DIP2C: variants seen among roughly 807,000 people sequenced by gnomAD.
DIP2C encodes the protein disco-interacting protein 2 homolog C.
Under a neutral mutation model 192.4 loss-of-function variants are expected in DIP2C, and 33 were observed. That is an observed-to-expected ratio of 0.17 (90% CI 0.13 to 0.23). The LOEUF is 0.23. Ranked by LOEUF, DIP2C falls within the 10% of genes least tolerant of loss-of-function variation. The probability of loss-of-function intolerance (pLI) is 1.00; values close to 1 mark genes in which losing one functional copy is unlikely to be tolerated. For missense variants in DIP2C, 1,537 were observed against 2,110.1 expected (o/e 0.73, Z 5.32); for synonymous variants, 979 against 864.1 (o/e 1.13, Z -2.33).
chr10:655,698 A>G (rs1856248215), intron 1 of DIP2C, among the ~76,000 whole-genome samples: 1 of 152,138 alleles, frequency 6.6e-6, no homozygotes, highest in South Asian at 2.1e-4. Context: ...TCAACTGTAT[A>G]CTCTACAATA....
intron 1 of DIP2C, among the ~76,000 whole-genome samples, chr10:523,702 C>A (rs1047757575): frequency 1.6e-4 from 25 of 151,834 alleles, no homozygotes; most frequent in Non-Finnish European, 7.4e-5. Context: ...GTCACCCACA[C>A]ACTCGTTTCT....
chr10:665,242 C>T (rs1857013601), intron 1 of DIP2C: 1 of 152,130 alleles, frequency 6.6e-6, no homozygotes, highest in Non-Finnish European at 1.5e-5. Flanking sequence ...ATACCTTAAC[C>T]GTGCTTTATA....
At chr10:442,750 TTC>T (rs1037577585) in intron 3 of DIP2C, among the ~76,000 whole-genome samples, 1 of 152,346 alleles carries the variant, frequency 6.6e-6, no homozygotes, top group East Asian at 1.9e-4. Flanking sequence ...CACAAGAATA[TTC>T]TCTCACATAC....
chr10:349,211 G>A, intron 25 of DIP2C, 120 bp downstream of exon 25: 1 of 1,395,386 alleles, frequency 7.2e-7, no homozygotes. Flanking sequence ...GCTGGATACA[G>A]TGCAGACTCC....
chr10:382,992 A>G (rs1040710964), intron 16 of DIP2C, among the ~76,000 whole-genome samples: 2 of 152,258 alleles, frequency 1.3e-5, no homozygotes, highest in Admixed American at 6.5e-5. Context: ...CTTTTCTGAC[A>G]GATGAACTTA....
At chr10:530,142 G>A (rs1049794555) in intron 1 of DIP2C, among the ~76,000 whole-genome samples, 3 of 152,216 alleles carry the variant, frequency 2.0e-5, no homozygotes, top group African/African-American at 4.8e-5. Flanking sequence ...ACCGTGAGCC[G>A]GGCTTTATTC....
chr10:572,293 T>C (rs1268789967), intron 1 of DIP2C, among the ~76,000 whole-genome samples: 1 of 152,208 alleles, frequency 6.6e-6, no homozygotes, highest in African/African-American at 2.4e-5. Context: ...CCACATCTCT[T>C]CTCTCAGCCT....
intron 32 of DIP2C, among the ~76,000 whole-genome samples, chr10:289,754 G>A (rs769260825): frequency 3.3e-5 from 5 of 152,180 alleles, no homozygotes; most frequent in African/African-American, 4.8e-5. Flanking sequence ...TGCGTGGCAC[G>A]AGGGAGGCCA....
chr10:378,686 C>T (rs545289091), intron 17 of DIP2C, among the ~76,000 whole-genome samples: 1 of 151,826 alleles, frequency 6.6e-6, no homozygotes, highest in Non-Finnish European at 1.5e-5. Context: ...CATGAACAGA[C>T]ATGCATACAC....
At position 362,584 on chromosome 10, in the gene DIP2C, C is replaced by G. The variant is rs1959670027; in HGVS notation, c.2700G>C (p.Gln900His). ...GGTGCAGAGAGCCCTCCAGAAAAAG[C>G]TGTTTTGTTTCTGATAAATGGATCC... is the stretch of plus-strand genomic sequence containing the variant. ...LGGIHLSETK[Q>H]LFLEGSLHPC... The change falls in exon 22 of 37, where the codon CAG (glutamine) becomes CAC (histidine). Residue 900 changes from glutamine (Q) to histidine (H), a missense_variant. Physicochemically the swap from Gln to His is conservative, Grantham distance 24. This residue lies in a region of DIP2C where 677 missense variants were observed against 989.9 expected (regional missense o/e 0.68). Coordinates refer to ENST00000280886, the MANE Select transcript of DIP2C (RefSeq NM_014974.3). 4 of 1,614,142 alleles carry G rather than the reference C, an allele frequency of 2.5e-6. No individual in the cohort carries two copies. The East Asian group carries it at 6.7e-5, about 27-fold the overall frequency.
At chr10:378,842 C>G (rs952294967) in intron 17 of DIP2C, among the ~76,000 whole-genome samples, 1 of 152,104 alleles carries the variant, frequency 6.6e-6, no homozygotes, top group East Asian at 1.9e-4. Flanking sequence ...TGTGAACAGA[C>G]ATGCATAGAC....
chr10:485,647 G>A (rs1039441214), intron 2 of DIP2C, among the ~76,000 whole-genome samples: 3 of 152,210 alleles, frequency 2.0e-5, no homozygotes, highest in African/African-American at 7.2e-5. Flanking sequence ...ACAGAATCGG[G>A]GTTTGTGCAG....
rs147995072 is a variant in DIP2C, at chr10:315,230, C to G, written c.3925-5138G>C. 1.3e-3 allele frequency among the ~76,000 whole-genome samples: 195 copies of G among 152,330 alleles called. 1 individual carries two copies. The South Asian group carries it at 0.013, about 11-fold the overall frequency. ...CACCTCAGCTGTTCATATTTTTAAACAGTTAATACTTTTAAAACAAACTAA... is the reference window on the plus strand; with the variant it reads ...CACCTCAGCTGTTCATATTTTTAAAGAGTTAATACTTTTAAAACAAACTAA... On this transcript the variant is annotated intron_variant, in intron 31 of 36. Coordinates refer to ENST00000280886, the MANE Select transcript of DIP2C (RefSeq NM_014974.3).
chr10:456,424 G>A (rs1318233256), intron 3 of DIP2C, among the ~76,000 whole-genome samples: 1 of 122,536 alleles, frequency 8.2e-6, no homozygotes, highest in African/African-American at 5.1e-5. Flanking sequence ...AGGAGTAAAT[G>A]AGATGAAAAC....
chr10:583,218 T>G (rs574039013), intron 1 of DIP2C, among the ~76,000 whole-genome samples: 1 of 151,568 alleles, frequency 6.6e-6, no homozygotes, highest in Non-Finnish European at 1.5e-5. Context: ...CAAACGCAGT[T>G]TTCTTCTGAA....
chr10:598,869 A>G (rs1218912426), intron 1 of DIP2C, among the ~76,000 whole-genome samples: 1 of 152,232 alleles, frequency 6.6e-6, no homozygotes, highest in South Asian at 2.1e-4. Flanking sequence ...ATTTTGAAAC[A>G]TCACTAGCAG....
chr10:519,288 A>AG (rs1846550241), intron 1 of DIP2C, among the ~76,000 whole-genome samples: 1 of 152,222 alleles, frequency 6.6e-6, no homozygotes, highest in South Asian at 2.1e-4. Context: ...GTAAGGGGAC[A>AG]GGGGAGCCCC....
intron 1 of DIP2C, among the ~76,000 whole-genome samples, chr10:633,447 C>T (rs1854649208): frequency 6.6e-6 from 1 of 152,142 alleles, no homozygotes; most frequent in Non-Finnish European, 1.5e-5. Flanking sequence ...CGCGGGGAGT[C>T]CGAGGTGGTG....
At chr10:278,984 T>TA (rs1954669181) in intron 36 of DIP2C, among the ~76,000 whole-genome samples, 1 of 152,128 alleles carries the variant, frequency 6.6e-6, no homozygotes, top group African/African-American at 2.4e-5. Context: ...GCAGGAGATA[T>TA]TTTAGGAAAC....
Sources: gnomAD v4.1 joint callset for allele counts (sites outside exome capture counted in the v4.1 genomes callset) on GRCh38, gnomAD v4.1.1 for gene constraint, gnomAD v4.1.1 regional missense constraint, MANE v1.5 for transcripts, NCBI Gene and HGNC (gene_info 2026-07-23, HGNC 2026-07-21) for gene names.